The following KLF9 variants were observed in gnomAD, a reference collection of about 807,000 sequenced individuals.
KLF9 encodes Krueppel-like factor 9.
Under a neutral mutation model 17.3 loss-of-function variants are expected in KLF9, and 2 were observed. That is an observed-to-expected ratio of 0.12 (90% CI 0.05 to 0.36). The LOEUF (loss-of-function observed/expected upper bound fraction) is 0.36, where lower values mean the gene tolerates loss of function less well. KLF9 is among the 10% of genes least tolerant of loss of function. The pLI is 1.00. For missense variants in KLF9, 226 were observed against 333.2 expected, an observed-to-expected ratio of 0.68 and a Z score of 2.51; for synonymous variants, 138 against 139.2, an observed-to-expected ratio of 0.99 and a Z score of 0.06.
At chr9:70,409,094 ATATATATGTG>A (rs1420680392) in intron 1 of KLF9, among the ~76,000 whole-genome samples, 2,829 of 91,270 alleles carry the variant, frequency 0.031, 199 homozygotes, top group Non-Finnish European at 0.054. Flanking sequence ...ACATATATGT[ATATATATGTG>A]TATATATATA....
chr9:70,413,181 G>C lies in KLF9; in HGVS notation c.183C>G (p.Val61=), dbSNP rs552379842. The change falls in exon 1 of 2, where the codon GTC becomes GTG. Residue 61 remains valine, a synonymous_variant. Transcript: ENST00000377126. This position sits in a 1 kb window ranked among gnomAD's most constrained non-coding sequence, Gnocchi z 5.6. The part of the protein sequence containing the change: ...GDTWKDYCTL[V]TIAKSLLDLN... ...GGTCCAACAAGCTCTTGGCGATGGT[G>C]ACCAGTGTGCAGTAATCCTTCCAGG... is the stretch of plus-strand genomic sequence containing the variant. The C allele has an allele frequency of 6.2e-7, 1 of 1,614,158 alleles. No individual in the cohort carries two copies. The highest frequency in any genetic ancestry group is 8.5e-7 in the Non-Finnish European group (1 of 1,180,028).
intron 1 of KLF9, among the ~76,000 whole-genome samples, chr9:70,390,632 T>TACAC (rs375788345): frequency 1.3e-5 from 2 of 150,910 alleles, no homozygotes; most frequent in Non-Finnish European, 1.5e-5. Flanking sequence ...GCTCAAACTT[T>TACAC]ACACACACAC....
intron 1 of KLF9, among the ~76,000 whole-genome samples, chr9:70,409,605 T>C (rs35098932): frequency 0.34 from 52,308 of 151,996 alleles, 10,186 homozygotes; most frequent in Non-Finnish European, 0.44. Flanking sequence ...GTTAATTACA[T>C]TTTCAAATAA....
chr9:70,392,863 G>A (rs1322816018), intron 1 of KLF9, among the ~76,000 whole-genome samples: 2 of 152,142 alleles, frequency 1.3e-5, no homozygotes, highest in Non-Finnish European at 2.9e-5. Context: ...GTATTAATGA[G>A]AGAGTTACCA....
intron 1 of KLF9, among the ~76,000 whole-genome samples, chr9:70,404,906 C>G (rs934379914): frequency 6.6e-6 from 1 of 152,068 alleles, no homozygotes; most frequent in African/African-American, 2.4e-5. Flanking sequence ...ATTCAAAAAC[C>G]CATGTCAGAA....
In KLF9 at chr9:70,387,899, G is replaced by A. The variant is rs1378120984; in HGVS notation, c.612C>T (p.Arg204=). Residue 204 remains arginine (R), a synonymous_variant, in exon 2 of 2, where the codon CGC becomes CGT. Coordinates refer to ENST00000377126, the MANE Select transcript of KLF9 (RefSeq NM_001206.4). ...YRTHTGEKQF[R]CPLCEKRFMR... Reference sequence around the variant, plus strand: ...TGAAGCGCTTCTCACACAGCGGACAGCGGAACTGCTTTTCCCCAGTGTGGG... The same window carrying A: ...TGAAGCGCTTCTCACACAGCGGACAACGGAACTGCTTTTCCCCAGTGTGGG... The A allele has an allele frequency of 1.9e-6, 3 of 1,614,166 alleles. No individual in the cohort carries two copies. In the Admixed American group the frequency reaches 5.0e-5, roughly 27 times the overall value.
rs761394113 is a variant in KLF9, at chr9:70,413,264, C to T, written c.100G>A (p.Glu34Lys). 8.7e-6 allele frequency: 14 copies of T among 1,613,504 alleles called. No homozygotes were observed. The highest frequency in any genetic ancestry group is 2.2e-5 in the East Asian group (1 of 44,856). ...TCGCGCTCAGGTAGTCGCAGCCGCT[C>T]GGCGTCCGGAGCGACCCCATGCTCC... ...VPEHGVAPDAERLRLPEREVT... is the reference protein window; with the variant it reads ...VPEHGVAPDAKRLRLPEREVT... The change falls in exon 1 of 2, where the codon GAG becomes AAG. Residue 34 changes from glutamate (E) to lysine (K), a missense_variant. By Grantham distance (56) the Glu-to-Lys change is moderately conservative. Coordinates refer to ENST00000377126, the MANE Select transcript of KLF9 (RefSeq NM_001206.4). This position sits in a 1 kb window ranked among gnomAD's most constrained non-coding sequence, Gnocchi z 5.6.
chr9:70,400,747 A>G (rs959927179), intron 1 of KLF9, among the ~76,000 whole-genome samples: 1 of 152,150 alleles, frequency 6.6e-6, no homozygotes, highest in African/African-American at 2.4e-5. Context: ...ACACCACAGT[A>G]TGGCTGCAGT....
At chr9:70,389,443 T>C (rs1217569560) in intron 1 of KLF9, among the ~76,000 whole-genome samples, 1 of 152,150 alleles carries the variant, frequency 6.6e-6, no homozygotes, top group East Asian at 1.9e-4. Context: ...AGCAGAGTAA[T>C]GAACTGGCCC....
intron 1 of KLF9, among the ~76,000 whole-genome samples, chr9:70,405,469 G>C (rs555113116): frequency 6.6e-6 from 1 of 152,244 alleles, no homozygotes; most frequent in South Asian, 2.1e-4. Flanking sequence ...AATTCTCCTA[G>C]ATTCCTTTCT....
intron 1 of KLF9, among the ~76,000 whole-genome samples, chr9:70,396,933 C>T (rs760384984): frequency 3.0e-4 from 45 of 151,856 alleles, no homozygotes; most frequent in Non-Finnish European, 4.4e-4. Context: ...AATCCCAGCA[C>T]TTTGGAAGGC....
At chr9:70,390,954 C>T (rs927645329) in intron 1 of KLF9, among the ~76,000 whole-genome samples, 8 of 152,142 alleles carry the variant, frequency 5.3e-5, no homozygotes, top group South Asian at 2.1e-4. Context: ...TCTGATGTGG[C>T]GGTGAGGAAA....
rs2037345860 is a variant in KLF9 at position 70,413,495 on chromosome 9, G to A, written c.-132C>T. The A allele has an allele frequency of 2.1e-6, 2 of 972,102 alleles. No individual in the cohort carries two copies. The highest frequency in any genetic ancestry group is 9.2e-5 in the Admixed American group (2 of 21,720). The allele number at this position is 972,102 out of a possible 1,614,324, so 60.2% of individuals were successfully genotyped here. ...ACGGCGCGGCGGCCAAGGGGGCGGGGGCGCGGGGCGCTTCCGACTCGCAGG... is the reference window on the plus strand; with the variant it reads ...ACGGCGCGGCGGCCAAGGGGGCGGGAGCGCGGGGCGCTTCCGACTCGCAGG... On this transcript the variant is annotated 5_prime_UTR_variant, in exon 1 of 2. Coordinates refer to ENST00000377126, the MANE Select transcript of KLF9 (RefSeq NM_001206.4). The surrounding 1 kb of genome is among the most constrained non-coding windows in gnomAD (Gnocchi z 5.6).
In KLF9 at chr9:70,387,625, G is replaced by A. The variant is rs988021124; in HGVS notation, c.*151C>T. The A allele has an allele frequency of 1.2e-5, 8 of 651,922 alleles. No homozygotes were observed. Among genetic ancestry groups the A allele is most frequent in the Non-Finnish European group, 1.9e-5 (7 of 373,578 alleles). 40.4% of individuals were successfully genotyped at this position (651,922 alleles called of 1,614,324 possible). A position where few individuals can be genotyped will look rare whatever the true frequency, so the allele number is the denominator to read the frequency against. On this transcript the variant is annotated 3_prime_UTR_variant, in exon 2 of 2. Transcript: ENST00000377126. ...AATGTGCTTTTTAAAAACAATGCAG[G>A]GAGAGGAAAATCAGAATATTGACCA... is the stretch of plus-strand genomic sequence containing the variant.
intron 1 of KLF9, among the ~76,000 whole-genome samples, chr9:70,393,821 G>C (rs1385752259): frequency 6.6e-6 from 1 of 152,114 alleles, no homozygotes; most frequent in African/African-American, 2.4e-5. Context: ...AGAAGTTCAA[G>C]ACCAGCCTGG....
At position 70,414,002 on chromosome 9, in the gene KLF9, A is replaced by G. The variant is rs944172700; in HGVS notation, c.-639T>C. 2.0e-5 allele frequency: 3 copies of G among 152,544 alleles called. No individual in the cohort carries two copies. The highest frequency in any genetic ancestry group is 4.8e-5 in the African/African-American group (2 of 41,414). The allele number at this position is 152,544 out of a possible 1,614,324, so 9.4% of individuals were successfully genotyped here. A position where few individuals can be genotyped will look rare whatever the true frequency, so the allele number is the denominator to read the frequency against. ...CACGTCACAAACCAAACCCCCTCCAATTGGCCAGTGGGGAGGGTGATTCAA... is the reference window on the plus strand; with the variant it reads ...CACGTCACAAACCAAACCCCCTCCAGTTGGCCAGTGGGGAGGGTGATTCAA... On this transcript the variant is annotated 5_prime_UTR_variant, in exon 1 of 2. Transcript: ENST00000377126.
chr9:70,404,217 T>A (rs1242251147), intron 1 of KLF9, among the ~76,000 whole-genome samples: 1 of 152,226 alleles, frequency 6.6e-6, no homozygotes, highest in Non-Finnish European at 1.5e-5. Context: ...AAATTGTCAT[T>A]ATTATCACTA....
rs2037123416 is a variant in KLF9 at position 70,387,698 on chromosome 9, A to T, written c.*78T>A. The T allele has an allele frequency of 7.9e-7, 1 of 1,270,354 alleles. No individual in the cohort carries two copies. Among genetic ancestry groups the T allele is most frequent in the African/African-American group, 1.5e-5 (1 of 68,230 alleles). 78.7% of individuals were successfully genotyped at this position (1,270,354 alleles called of 1,614,324 possible). ...GTCAAGTGTGCCTCTTCTGGGGCTC[A>T]GTTTTCACGCGTCTGTTTCCTGGGA... On this transcript the variant is annotated 3_prime_UTR_variant, in exon 2 of 2. Transcript: ENST00000377126.
intron 1 of KLF9, among the ~76,000 whole-genome samples, chr9:70,393,226 C>T (rs1587738954): frequency 6.6e-6 from 1 of 152,222 alleles, no homozygotes; most frequent in East Asian, 1.9e-4. Flanking sequence ...GAACAGTGGA[C>T]TGGGGCCCCC....
Sources: allele counts gnomAD v4.1 joint callset (sites outside exome capture counted in the v4.1 genomes callset), GRCh38; gene constraint gnomAD v4.1.1; non-coding constraint Gnocchi (gnomAD v3.1); transcripts MANE v1.5; gene names NCBI Gene and HGNC (gene_info 2026-07-23, HGNC 2026-07-21).